JARID2: variants seen among roughly 807,000 people sequenced by gnomAD.
JARID2 encodes jumonji and AT-rich interaction domain containing 2, also known as protein Jumonji.
A neutral mutation model predicts 125.6 loss-of-function variants in JARID2; 21 were observed. The ratio of observed to expected loss-of-function variants is 0.17; its 90% CI spans 0.12 to 0.24. The LOEUF (loss-of-function observed/expected upper bound fraction) is 0.24. Among genes scored for constraint, JARID2 ranks in the 10% least tolerant of loss-of-function variants. JARID2 has a pLI of 1.00. For missense variants in JARID2, 1,303 were observed against 1,639.6 expected, an observed-to-expected ratio of 0.79 and a Z score of 3.55; for synonymous variants, 736 against 661.6, an observed-to-expected ratio of 1.11 and a Z score of -1.73.
chr6:15,363,924 G>A (rs564566219), intron 1 of JARID2, among the ~76,000 whole-genome samples: 1 of 152,148 alleles, frequency 6.6e-6, no homozygotes, highest in African/African-American at 2.4e-5. Context: ...ATCTGTTTCT[G>A]GAAAAAATAA....
At chr6:15,463,622 G>A (rs1768568836) in intron 4 of JARID2, among the ~76,000 whole-genome samples, 1 of 152,040 alleles carries the variant, frequency 6.6e-6, no homozygotes, top group African/African-American at 2.4e-5. Context: ...AGTAGAGATG[G>A]AGTTTCGCCA....
At chr6:15,278,519 G>A (rs976326512) in intron 1 of JARID2, among the ~76,000 whole-genome samples, 1 of 152,090 alleles carries the variant, frequency 6.6e-6, no homozygotes, top group Non-Finnish European at 1.5e-5. Flanking sequence ...CCGGGAGGCG[G>A]AGCTTGCAGT....
intron 1 of JARID2, among the ~76,000 whole-genome samples, chr6:15,252,860 C>A (rs1009870138): frequency 1.4e-4 from 21 of 152,074 alleles, no homozygotes; most frequent in Non-Finnish European, 3.1e-4. Flanking sequence ...TTTCTGATTC[C>A]TTTTGTCCAT....
intron 3 of JARID2, among the ~76,000 whole-genome samples, chr6:15,445,337 T>A (rs751839535): frequency 6.6e-6 from 1 of 152,256 alleles, no homozygotes; most frequent in Non-Finnish European, 1.5e-5. Flanking sequence ...TGGTTAACTT[T>A]CCAAATAATG....
intron 5 of JARID2, among the ~76,000 whole-genome samples, chr6:15,474,821 T>A (rs1769262000): frequency 6.6e-6 from 1 of 152,354 alleles, no homozygotes; most frequent in Non-Finnish European, 1.5e-5. Context: ...GATTAAAACT[T>A]TTATATCCCA....
chr6:15,429,485 C>T (rs1040228205), intron 3 of JARID2, among the ~76,000 whole-genome samples: 7 of 152,000 alleles, frequency 4.6e-5, no homozygotes, highest in Non-Finnish European at 7.4e-5. Flanking sequence ...GGGCTGGTTG[C>T]GAACTCCTGG....
chr6:15,257,593 G>A (rs529865733), intron 1 of JARID2, among the ~76,000 whole-genome samples: 21 of 152,292 alleles, frequency 1.4e-4, no homozygotes, highest in Non-Finnish European at 2.5e-4. Flanking sequence ...TGCTTTGCAC[G>A]TGTCTGTTTG....
At chr6:15,380,246 G>A (rs772939646) in intron 2 of JARID2, among the ~76,000 whole-genome samples, 1 of 152,034 alleles carries the variant, frequency 6.6e-6, no homozygotes, top group Non-Finnish European at 1.5e-5. Context: ...TGTTGGCCAG[G>A]CTGGTCTCAA....
intron 2 of JARID2, among the ~76,000 whole-genome samples, chr6:15,399,135 C>A (rs147880038): frequency 6.6e-6 from 1 of 152,296 alleles, no homozygotes; most frequent in Non-Finnish European, 1.5e-5. Context: ...TTAACAGGAA[C>A]GTGCTGCACT....
At chr6:15,388,272 G>T (rs186957601) in intron 2 of JARID2, among the ~76,000 whole-genome samples, 1 of 152,122 alleles carries the variant, frequency 6.6e-6, no homozygotes, top group African/African-American at 2.4e-5. Flanking sequence ...GTTATTACTT[G>T]AGCCACTTTA....
chr6:15,510,946 C>T (rs577268445), intron 12 of JARID2, among the ~76,000 whole-genome samples: 76 of 152,318 alleles, frequency 5.0e-4, no homozygotes, highest in Middle Eastern at 3.4e-3. Flanking sequence ...AGAAGAGGCT[C>T]GTGGAGGCCG....
intron 3 of JARID2, among the ~76,000 whole-genome samples, chr6:15,449,464 G>T (rs1195587152): frequency 6.6e-6 from 1 of 151,244 alleles, no homozygotes; most frequent in African/African-American, 2.5e-5. Context: ...TGGGCAACAT[G>T]GGGAGACCCT....
At chr6:15,281,448 C>G (rs1760746389) in intron 1 of JARID2, among the ~76,000 whole-genome samples, 1 of 152,098 alleles carries the variant, frequency 6.6e-6, no homozygotes, top group Admixed American at 6.6e-5. Context: ...ATCTGAAGTC[C>G]CCTTATCTCC....
chr6:15,344,604 G>A (rs1462294326), intron 1 of JARID2, among the ~76,000 whole-genome samples: 1 of 151,316 alleles, frequency 6.6e-6, no homozygotes, highest in East Asian at 1.9e-4. Context: ...CCATTCCTCA[G>A]TCTCTGATTG....
At chr6:15,341,330 T>A (rs915898427) in intron 1 of JARID2, among the ~76,000 whole-genome samples, 2 of 152,218 alleles carry the variant, frequency 1.3e-5, no homozygotes, top group Non-Finnish European at 2.9e-5. Context: ...TTTAAAAAGT[T>A]TTCTTATGTA....
Position 15,326,787 on chromosome 6 carries a change from C to T in JARID2, c.46-47330C>T, listed in dbSNP as rs191487610. On this transcript the variant is annotated intron_variant, in intron 1 of 17. Coordinates refer to ENST00000341776, the MANE Select transcript of JARID2 (RefSeq NM_004973.4). ...AAGTTCTGGGATAATAGGCGTCAGC[C>T]ACCACGTCCAGCACAGCATTAATTT... Among the ~76,000 whole-genome samples the T allele has an allele frequency of 7.0e-4, 106 of 152,376 alleles. 1 individual carries two copies. Among genetic ancestry groups the T allele is most frequent in the Admixed American group, 3.9e-3 (60 of 15,308 alleles).
Position 15,431,459 on chromosome 6 carries a change from A to G in JARID2, c.324-20547A>G, listed in dbSNP as rs1581554921. On this transcript the variant is annotated intron_variant, in intron 3 of 17. Coordinates refer to ENST00000341776, the MANE Select transcript of JARID2 (RefSeq NM_004973.4). Reference sequence around the variant, plus strand: ...GGCTCCTTCAGCTTTACCCTTCTGAAGGTCATGAGGAATAATTCTGACAAA... The same window carrying G: ...GGCTCCTTCAGCTTTACCCTTCTGAGGGTCATGAGGAATAATTCTGACAAA... Among the ~76,000 whole-genome samples, 3 of 152,240 alleles carry G rather than the reference A, an allele frequency of 2.0e-5. No individual in the cohort carries two copies. In the South Asian group the frequency reaches 6.2e-4, roughly 32 times the overall value.
chr6:15,496,233 G>A lies in JARID2; in HGVS notation c.1008G>A (p.Val336=), dbSNP rs369617079. ...TCAGACCTTCACCATCCAAAACTGT[G>A]AAGTACACTGCCACGGTGACGAAGG... ...REVRPSPSKT[V]KYTATVTKGA... Residue 336 remains valine (V), a synonymous_variant, in exon 7 of 18, where the codon GTG becomes GTA. Coordinates refer to ENST00000341776, the MANE Select transcript of JARID2 (RefSeq NM_004973.4). The A allele has an allele frequency of 1.2e-6, 2 of 1,614,012 alleles. No homozygotes were observed. Among genetic ancestry groups the A allele is most frequent in the African/African-American group, 2.7e-5 (2 of 74,888 alleles).
chr6:15,419,571 T>TA (rs3216217), intron 3 of JARID2, among the ~76,000 whole-genome samples: 2 of 152,172 alleles, frequency 1.3e-5, no homozygotes, highest in Admixed American at 6.5e-5. Context: ...TCACCCACAT[T>TA]AAAAAAATAC....
Sources: allele counts gnomAD v4.1 joint callset (sites outside exome capture counted in the v4.1 genomes callset), GRCh38; gene constraint gnomAD v4.1.1; transcripts MANE v1.5; gene names NCBI Gene and HGNC (gene_info 2026-07-23, HGNC 2026-07-21).